The following TLK2 variants were observed in gnomAD, a reference collection of about 807,000 sequenced individuals.
TLK2 encodes tousled like kinase 2.
Under a neutral mutation model 117.3 loss-of-function variants are expected in TLK2, and 6 were observed. The observed-to-expected ratio is 0.05, with a 90% CI of 0.03 to 0.10. The LOEUF (loss-of-function observed/expected upper bound fraction) is 0.10, where lower values mean the gene tolerates loss of function less well. Ranked by LOEUF, TLK2 falls within the 10% of genes least tolerant of loss-of-function variation. The pLI is 1.00. For missense variants in TLK2, 299 were observed against 901.2 expected (o/e 0.33, Z 8.56); for synonymous variants, 257 against 316.7 (o/e 0.81, Z 2.00).
At chr17:62,527,100 G>A (rs771976945) in intron 6 of TLK2, among the ~76,000 whole-genome samples, 24 of 152,140 alleles carry the variant, frequency 1.6e-4, no homozygotes, top group Non-Finnish European at 3.2e-4. Context: ...TTTTGCTATA[G>A]GGTCTTTGTA....
intron 16 of TLK2, among the ~76,000 whole-genome samples, chr17:62,588,547 T>G (rs1238034405): frequency 2.0e-5 from 3 of 152,206 alleles, no homozygotes; most frequent in Non-Finnish European, 1.5e-5. Flanking sequence ...TCATGGTGCC[T>G]GAGCTCATCT....
In TLK2 at chr17:62,604,659, C is replaced by T. The variant is rs994210279; in HGVS notation, c.1860-1471C>T. On this transcript the variant is annotated intron_variant, in intron 19 of 21. Coordinates refer to ENST00000346027, the MANE Select transcript of TLK2 (RefSeq NM_006852.6). ...GGTGTGGTGGCTCATGCCTGTAATC[C>T]CAGCACTTTGGGAGGCCAAGGCGGG... Among the ~76,000 whole-genome samples the T allele has an allele frequency of 2.6e-5, 4 of 151,964 alleles. No individual in the cohort carries two copies. The South Asian group carries it at 8.3e-4, about 32-fold the overall frequency.
At chr17:62,573,007 G>T in intron 11 of TLK2, 1 of 516,992 alleles carries the variant, frequency 1.9e-6, no homozygotes, top group Non-Finnish European at 3.5e-6. Flanking sequence ...GTAATAACTA[G>T]TGTCTTAAAG....
chr17:62,578,858 A>G (rs1444244676), intron 14 of TLK2, among the ~76,000 whole-genome samples: 3 of 152,192 alleles, frequency 2.0e-5, no homozygotes, highest in Non-Finnish European at 2.9e-5. Flanking sequence ...GTAATTGTAA[A>G]TGGTTGAGAT....
At chr17:62,481,936 C>T (rs1271300195) in intron 2 of TLK2, among the ~76,000 whole-genome samples, 3 of 152,066 alleles carry the variant, frequency 2.0e-5, no homozygotes, top group South Asian at 2.1e-4. Context: ...GATGTGTGAA[C>T]GTATGAGCTA....
upstream of TLK2, among the ~76,000 whole-genome samples, chr17:62,474,338 A>G (rs2070997129): frequency 6.6e-6 from 1 of 151,064 alleles, no homozygotes; most frequent in Non-Finnish European, 1.5e-5. Context: ...TCACCCTCCC[A>G]AAGTGCTGGG....
chr17:62,485,816 G>GTTTTT (rs879159414), intron 2 of TLK2, among the ~76,000 whole-genome samples: 4 of 122,554 alleles, frequency 3.3e-5, no homozygotes, highest in African/African-American at 6.2e-5. Flanking sequence ...TAATTTTCTG[G>GTTTTT]TTTTTTTTTT....
chr17:62,594,451 G>A (rs2082308074), intron 16 of TLK2, among the ~76,000 whole-genome samples: 1 of 152,118 alleles, frequency 6.6e-6, no homozygotes, highest in Non-Finnish European at 1.5e-5. Context: ...CTTAGTAGCA[G>A]TGATAGGTTC....
intron 2 of TLK2, among the ~76,000 whole-genome samples, chr17:62,519,650 T>G (rs1299720087): frequency 6.6e-6 from 1 of 152,086 alleles, no homozygotes; most frequent in Non-Finnish European, 1.5e-5. Flanking sequence ...AATAATAAAT[T>G]ATTATTGTTT....
At chr17:62,532,169 GT>G (rs58981202) in intron 6 of TLK2, among the ~76,000 whole-genome samples, 1 of 151,884 alleles carries the variant, frequency 6.6e-6, no homozygotes, top group Non-Finnish European at 1.5e-5. Context: ...TGCTTTTAAT[GT>G]TTTTTTGTTG....
intron 11 of TLK2, among the ~76,000 whole-genome samples, chr17:62,566,483 A>T (rs563399358): frequency 6.6e-6 from 1 of 152,008 alleles, no homozygotes; most frequent in Non-Finnish European, 1.5e-5. Context: ...ATTATTCCTC[A>T]TGTGTGTATA....
At chr17:62,478,299 C>G (rs2071157844), upstream of TLK2, among the ~76,000 whole-genome samples, 1 of 151,598 alleles carries the variant, frequency 6.6e-6, no homozygotes, top group Non-Finnish European at 1.5e-5. Context: ...GCACTTCTCA[C>G]CCAAACTCGC....
chr17:62,602,699 GT>G (rs1325643646), intron 19 of TLK2, among the ~76,000 whole-genome samples: 9 of 152,310 alleles, frequency 5.9e-5, no homozygotes, highest in Admixed American at 1.3e-4. Flanking sequence ...ATCCATGTCT[GT>G]TAGCCATGAT....
At chr17:62,604,788 A>T (rs927901602) in intron 19 of TLK2, among the ~76,000 whole-genome samples, 8 of 151,822 alleles carry the variant, frequency 5.3e-5, no homozygotes, top group Admixed American at 2.0e-4. Context: ...GCACGCCTGA[A>T]ATCCCAGCTA....
intron 2 of TLK2, among the ~76,000 whole-genome samples, chr17:62,502,720 A>G (rs1038017957): frequency 2.0e-5 from 3 of 152,346 alleles, no homozygotes; most frequent in African/African-American, 7.2e-5. Context: ...TTCTCATACT[A>G]GCAATGAACA....
intron 2 of TLK2, among the ~76,000 whole-genome samples, chr17:62,505,649 A>G (rs565308926): frequency 1.3e-5 from 2 of 151,636 alleles, no homozygotes; most frequent in Non-Finnish European, 2.9e-5. Context: ...CACTGTTTTC[A>G]AATTTTTTTG....
chr17:62,502,283 AG>A (rs2074268118), intron 2 of TLK2, among the ~76,000 whole-genome samples: 1 of 152,172 alleles, frequency 6.6e-6, no homozygotes, highest in Non-Finnish European at 1.5e-5. Context: ...AATAGAATAA[AG>A]GAGAAAAGCT....
At chr17:62,511,002 A>C (rs1416602758) in intron 2 of TLK2, among the ~76,000 whole-genome samples, 4 of 152,204 alleles carry the variant, frequency 2.6e-5, no homozygotes, top group Non-Finnish European at 4.4e-5. Context: ...ATTGGCAGGA[A>C]GTTGCACAAA....
chr17:62,569,669 CG>C (rs1184570307), intron 11 of TLK2, among the ~76,000 whole-genome samples: 3 of 151,964 alleles, frequency 2.0e-5, no homozygotes, highest in African/African-American at 7.2e-5. Flanking sequence ...CTAAGTGATC[CG>C]CCCACCTTGG....
Sources: allele counts gnomAD v4.1 joint callset (sites outside exome capture counted in the v4.1 genomes callset), GRCh38; gene constraint gnomAD v4.1.1; transcripts MANE v1.5; gene names NCBI Gene and HGNC (gene_info 2026-07-23, HGNC 2026-07-21).